Variants in OCRL observed in about 807,000 individuals in gnomAD.
The protein encoded by OCRL is OCRL inositol polyphosphate-5-phosphatase, also known as inositol polyphosphate 5-phosphatase OCRL.
A neutral mutation model predicts 78.9 loss-of-function variants in OCRL; 8 were observed. The observed-to-expected ratio is 0.10, with a 90% CI of 0.06 to 0.18. OCRL has a LOEUF of 0.18. OCRL is among the 10% of genes least tolerant of loss of function. OCRL has a pLI of 1.00. For synonymous variants in OCRL, 240 were observed against 235.4 expected (o/e 1.02, Z -0.18); for missense variants, 454 against 696.7 (o/e 0.65, Z 3.92).
chrX:129,549,105 TA>T (rs1047168383), intron 4 of OCRL, among the ~76,000 whole-genome samples: 2 of 108,089 alleles, frequency 1.9e-5, no homozygotes, highest in African/African-American at 3.4e-5. Context: ...GGCATTCCTT[TA>T]AAAAAAAAAG....
Position 129,575,236 on chromosome X carries a change from C to T in OCRL, c.1699C>T (p.Leu567Phe). Reference sequence around the variant, plus strand: ...AAATGACTTCCTTCCTTCCTTAGAACTCAGCAGGAGGGAGGTGAGCAAAAA... The same window carrying T: ...AAATGACTTCCTTCCTTCCTTAGAATTCAGCAGGAGGGAGGTGAGCAAAAA... ...MENDFLPSLE[L>F]SRREFVFENV... Residue 567 changes from leucine to phenylalanine, a missense_variant, in exon 16 of 24, where the codon CTC (leucine) becomes TTC (phenylalanine). Physicochemically the swap from Leu to Phe is conservative, Grantham distance 22 (BLOSUM62 0). This residue lies in a region of OCRL where 277 missense variants were observed against 517.1 expected (regional missense o/e 0.54). Coordinates refer to ENST00000371113, the MANE Select transcript of OCRL (RefSeq NM_000276.4). The T allele has an allele frequency of 8.4e-7, 1 of 1,187,658 alleles. No individual in the cohort carries two copies. Among genetic ancestry groups the T allele is most frequent in the Non-Finnish European group, 1.1e-6 (1 of 873,647 alleles).
chrX:129,553,979 G>A (rs913228501), intron 4 of OCRL, among the ~76,000 whole-genome samples: 6 of 110,437 alleles, frequency 5.4e-5, no homozygotes, highest in African/African-American at 2.0e-4. Flanking sequence ...ATTTCTGAGG[G>A]TTGGTATTTA....
In OCRL at chrX:129,576,411, C is replaced by T. The variant is rs781410604; in HGVS notation, c.1974C>T (p.Val658=). 1 of 1,210,228 alleles carries T rather than the reference C, an allele frequency of 8.3e-7. No individual in the cohort carries two copies. The highest frequency in any genetic ancestry group is 2.3e-4 in the Middle Eastern group (1 of 4,353). Residue 658 remains valine (V), a synonymous_variant, in exon 18 of 24, where the codon GTC becomes GTT. Transcript: ENST00000371113. ...SGEDKIEDIL[V]LHLDRGKDYF... ...AAGATAAGATTGAAGATATTCTCGT[C>T]CTTCACCTGGATCGAGGCAAAGATT...
chrX:129,590,401 A>G lies in OCRL; in HGVS notation c.*131A>G. Reference sequence around the variant, plus strand: ...CAAGTTCTGTTTATAGTAAAAAGGAAGAGCGTTTCCTAATCCCTCCTTTAC... The same window carrying G: ...CAAGTTCTGTTTATAGTAAAAAGGAGGAGCGTTTCCTAATCCCTCCTTTAC... On this transcript the variant is annotated 3_prime_UTR_variant, in exon 24 of 24. Coordinates refer to ENST00000371113, the MANE Select transcript of OCRL (RefSeq NM_000276.4). The G allele has an allele frequency of 9.4e-6, 8 of 855,478 alleles. No homozygotes were observed. Among genetic ancestry groups the G allele is most frequent in the Non-Finnish European group, 1.4e-5 (8 of 586,374 alleles). 70.5% of individuals were successfully genotyped at this position (855,478 alleles called of 1,213,427 possible).
intron 15 of OCRL, among the ~76,000 whole-genome samples, chrX:129,569,887 G>A (rs1215547261): frequency 3.4e-5 from 3 of 88,882 alleles, no homozygotes; most frequent in African/African-American, 1.3e-4. Context: ...CCTATCCTCC[G>A]GGCTGGAGTG....
chrX:129,545,760 A>G (rs1156748478), intron 3 of OCRL, among the ~76,000 whole-genome samples: 5 of 112,274 alleles, frequency 4.5e-5, no homozygotes, highest in African/African-American at 1.6e-4. Flanking sequence ...TTCTGTATCA[A>G]TTGTAGCTTC....
rs796185362 is a variant in OCRL at position 129,581,859 on chromosome X, CTCTCTCTG to C, written c.2116-2479_2116-2472del. ...TCTCTCTCTCTCTCTCTCTCTCTCT[CTCTCTCTG>C]TCTCTGTCTCTGCCCTTCATTTTTT... On this transcript the variant is annotated intron_variant, in intron 18 of 23. Transcript: ENST00000371113. Among the ~76,000 whole-genome samples the C allele has an allele frequency of 2.7e-3, 265 of 99,016 alleles. 8 individuals carry two copies. The East Asian group carries it at 0.059, about 22-fold the overall frequency. 86.0% of individuals were successfully genotyped at this position (99,016 alleles called of 115,157 possible). A position where few individuals can be genotyped will look rare whatever the true frequency, so the allele number is the denominator to read the frequency against.
intron 21 of OCRL, 66 bp from the exon 22 acceptor site, chrX:129,588,820 G>A: frequency 8.4e-7 from 1 of 1,183,642 alleles, no homozygotes; most frequent in Non-Finnish European, 1.1e-6. Context: ...TTGAGGAAAG[G>A]AGCTCGTCGG....
At chrX:129,576,272 C>A in intron 17 of OCRL, 45 bp from the exon 18 acceptor site, 1 of 1,116,257 alleles carries the variant, frequency 9.0e-7, no homozygotes, top group Non-Finnish European at 1.2e-6. Flanking sequence ...TTTGCTTTCC[C>A]ACTGGAGGTT....
At chrX:129,574,218 C>A (rs757910790) in intron 15 of OCRL, among the ~76,000 whole-genome samples, 2 of 112,167 alleles carry the variant, frequency 1.8e-5, no homozygotes, top group Non-Finnish European at 3.8e-5. Context: ...CTTTTTAGAA[C>A]CTTTGCTGCA....
At position 129,540,293 on chromosome X, in the gene OCRL, C is replaced by A. The variant is rs776077768; in HGVS notation, c.-147C>A. 28 of 634,351 alleles carry A rather than the reference C, an allele frequency of 4.4e-5. No individual in the cohort carries two copies. The highest frequency in any genetic ancestry group is 6.9e-5 in the Non-Finnish European group (28 of 406,349). The allele number at this position is 634,351 out of a possible 1,213,427, so 52.3% of individuals were successfully genotyped here. On this transcript the variant is annotated 5_prime_UTR_variant, in exon 1 of 24. Transcript: ENST00000371113. ...GTCAGATTCTCAGCTCCCAGCTCCCCGCTCCCGGCTCCCGGCGCCCGGCGC... is the reference window on the plus strand; with the variant it reads ...GTCAGATTCTCAGCTCCCAGCTCCCAGCTCCCGGCTCCCGGCGCCCGGCGC...
intron 4 of OCRL, among the ~76,000 whole-genome samples, chrX:129,556,401 C>T (rs972069397): frequency 2.7e-5 from 3 of 111,279 alleles, no homozygotes; most frequent in Non-Finnish European, 5.7e-5. Context: ...AGTTGGTCAC[C>T]CTAGACTCCT....
intron 2 of OCRL, among the ~76,000 whole-genome samples, chrX:129,543,216 T>G (rs753419612): frequency 1.8e-5 from 2 of 112,469 alleles, no homozygotes; most frequent in African/African-American, 6.4e-5. Context: ...CTCAGAATTT[T>G]TATGCTTATT....
intron 4 of OCRL, 34 bp from the exon 5 acceptor site, chrX:129,557,287 CCCAT>C: frequency 9.3e-7 from 1 of 1,077,964 alleles, no homozygotes; most frequent in Non-Finnish European, 1.3e-6. Flanking sequence ...AACATTTTAT[CCCAT>C]AGCAGTATAT....
chrX:129,586,603 G>A (rs1347236153), intron 19 of OCRL, among the ~76,000 whole-genome samples: 1 of 112,116 alleles, frequency 8.9e-6, no homozygotes, highest in African/African-American at 3.2e-5. Context: ...CCTAAGTGTA[G>A]ACCTTGATCT....
At chrX:129,567,385 C>T in intron 14 of OCRL, 22 bp downstream of exon 14, 1 of 1,042,284 alleles carries the variant, frequency 9.6e-7, no homozygotes, top group Non-Finnish European at 1.3e-6. Flanking sequence ...AGAACCTTCT[C>T]ACAGAGAAGG....
At position 129,560,590 on chromosome X, in the gene OCRL, G is replaced by A. The variant is rs140494841; in HGVS notation, c.763G>A (p.Asp255Asn). Residue 255 changes from aspartate (D) to asparagine (N), a missense_variant, in exon 9 of 24, where the codon GAT becomes AAT. Coordinates refer to ENST00000371113, the MANE Select transcript of OCRL (RefSeq NM_000276.4). The part of the protein sequence containing the change: ...GTWNVNGQSP[D>N]SGLEPWLNCD... The stretch of plus-strand genomic sequence containing the variant: ...TTGGAATGTGAATGGCCAGTCTCCA[G>A]ATAGCGGGTTAGAACCTTGGCTGAA... 1.5e-5 allele frequency: 18 copies of A among 1,206,005 alleles called. No homozygotes were observed. Among genetic ancestry groups the A allele is most frequent in the Non-Finnish European group, 2.0e-5 (18 of 890,433 alleles).
chrX:129,561,260 G>A lies in OCRL; in HGVS notation c.906G>A (p.Glu302=). 1 of 1,203,919 alleles carries A rather than the reference G, an allele frequency of 8.3e-7. No individual in the cohort carries two copies. The highest frequency in any genetic ancestry group is 1.1e-6 in the Non-Finnish European group (1 of 888,350). Residue 302 remains glutamate (E), a synonymous_variant, in exon 10 of 24, where the codon GAG becomes GAA. Coordinates refer to ENST00000371113, the MANE Select transcript of OCRL (RefSeq NM_000276.4). ...VKEQEWSMAV[E]RGLHSKAKYK... ...AACAAGAATGGTCCATGGCTGTAGAGAGAGGTTTGCATTCCAAAGCCAAGT... is the reference window on the plus strand; with the variant it reads ...AACAAGAATGGTCCATGGCTGTAGAAAGAGGTTTGCATTCCAAAGCCAAGT...
intron 9 of OCRL, 38 bp downstream of exon 9, chrX:129,560,689 T>G (rs1403064900): frequency 1.1e-6 from 1 of 945,506 alleles, no homozygotes; most frequent in Admixed American, 2.2e-5. Context: ...TGGCTATATG[T>G]TTGGTGTTCA....
Sources: allele counts gnomAD v4.1 joint callset (sites outside exome capture counted in the v4.1 genomes callset), GRCh38; gene constraint gnomAD v4.1.1; regional missense constraint gnomAD v4.1.1; transcripts MANE v1.5; gene names NCBI Gene and HGNC (gene_info 2026-07-23, HGNC 2026-07-21).